VAMP7: variants seen among roughly 807,000 people sequenced by gnomAD.
VAMP7 encodes the protein vesicle associated membrane protein 7.
A neutral mutation model predicts 29.6 loss-of-function variants in VAMP7; 14 were observed. The observed-to-expected ratio is 0.47, with a 90% CI of 0.31 to 0.74. The LOEUF is 0.74. Among genes scored for constraint, VAMP7 ranks in the 30% least tolerant of loss-of-function variants. The pLI is 0.05. For missense variants in VAMP7, 223 were observed against 262.4 expected (o/e 0.85, Z 1.04); for synonymous variants, 95 against 88.1 (o/e 1.08, Z -0.44).
At chrX:155,901,303 A>G (rs190242913) in intron 5 of VAMP7, among the ~76,000 whole-genome samples, 50 of 152,168 alleles carry the variant, frequency 3.3e-4, no homozygotes, top group African/African-American at 1.2e-3. Context: ...AGTTTTAATT[A>G]TATATCTAGA....
intron 1 of VAMP7, among the ~76,000 whole-genome samples, chrX:155,882,908 G>A (rs997834942): frequency 2.0e-5 from 3 of 152,202 alleles, no homozygotes; most frequent in Non-Finnish European, 4.4e-5. Context: ...ACAGTATACT[G>A]AGGAAATTTC....
intron 2 of VAMP7, 102 bp downstream of exon 2, chrX:155,889,714 T>G: frequency 7.6e-7 from 1 of 1,317,724 alleles, no homozygotes; most frequent in Non-Finnish European, 1.0e-6. Context: ...GTACATAATT[T>G]GAATAAGCTG....
At chrX:155,934,438 C>T (rs1252771461) in intron 6 of VAMP7, among the ~76,000 whole-genome samples, 4 of 151,178 alleles carry the variant, frequency 2.6e-5, no homozygotes, top group Non-Finnish European at 4.4e-5. Context: ...TGAATTGATC[C>T]CTTTACCATT....
chrX:155,893,114 T>C (rs1317938601), intron 2 of VAMP7, among the ~76,000 whole-genome samples: 1 of 152,174 alleles, frequency 6.6e-6, no homozygotes, highest in African/African-American at 2.4e-5. Flanking sequence ...GGCTTCTTGA[T>C]GGCAGGGATC....
intron 2 of VAMP7, among the ~76,000 whole-genome samples, chrX:155,891,485 A>T (rs1411142051): frequency 1.3e-5 from 2 of 152,156 alleles, no homozygotes; most frequent in African/African-American, 2.4e-5. Flanking sequence ...AAGATAAGTC[A>T]TATGTTTTCC....
chrX:155,897,686 C>T lies in VAMP7; in HGVS notation c.205-426C>T, dbSNP rs750252378. Among the ~76,000 whole-genome samples the T allele has an allele frequency of 5.3e-4, 81 of 152,040 alleles. 1 individual carries two copies. The highest frequency in any genetic ancestry group is 1.1e-3 in the Non-Finnish European group (72 of 67,950). On this transcript the variant is annotated intron_variant, in intron 3 of 7. Transcript: ENST00000286448. Reference sequence around the variant, plus strand: ...ATATACCACCACTATTGAAAAAATTCGATTTGAAGTTAATATCAGTAGTAG... The same window carrying T: ...ATATACCACCACTATTGAAAAAATTTGATTTGAAGTTAATATCAGTAGTAG...
At chrX:155,915,275 A>G (rs188013118) in intron 5 of VAMP7, among the ~76,000 whole-genome samples, 4 of 152,140 alleles carry the variant, frequency 2.6e-5, no homozygotes, top group Admixed American at 1.3e-4. Context: ...TAGTCTCGCT[A>G]GCAGTCTATC....
At chrX:155,938,957 G>A (rs1368002931) in intron 6 of VAMP7, among the ~76,000 whole-genome samples, 1 of 152,194 alleles carries the variant, frequency 6.6e-6, no homozygotes, top group Non-Finnish European at 1.5e-5. Context: ...TGTATTCCAT[G>A]TTATGACTCT....
intron 1 of VAMP7, among the ~76,000 whole-genome samples, chrX:155,883,042 A>G (rs1345685133): frequency 3.3e-5 from 5 of 152,144 alleles, no homozygotes; most frequent in Admixed American, 2.6e-4. Context: ...ACTTTATTGC[A>G]TTTATTTATA....
chrX:155,902,147 G>A (rs2066072353), intron 5 of VAMP7, among the ~76,000 whole-genome samples: 3 of 152,066 alleles, frequency 2.0e-5, no homozygotes, highest in African/African-American at 7.2e-5. Context: ...GTGAATGGGA[G>A]TTCACTCATG....
At chrX:155,898,435 T>C (rs2066016309) in intron 4 of VAMP7, among the ~76,000 whole-genome samples, 186 bp downstream of exon 4, 1 of 151,958 alleles carries the variant, frequency 6.6e-6, no homozygotes, top group Non-Finnish European at 1.5e-5. Context: ...AAAACAGTGA[T>C]AGTCTTTATT....
intron 5 of VAMP7, among the ~76,000 whole-genome samples, chrX:155,908,420 G>A (rs2066182708): frequency 2.0e-5 from 3 of 152,164 alleles, no homozygotes; most frequent in South Asian, 2.1e-4. Flanking sequence ...CCAGTCAGGC[G>A]TGGCAGCACT....
chrX:155,900,403 G>A, intron 4 of VAMP7, 94 bp from the exon 5 acceptor site: 1 of 924,550 alleles, frequency 1.1e-6, no homozygotes, highest in Non-Finnish European at 1.6e-6. Flanking sequence ...TAATTTTATA[G>A]CATTCCTCAG....
intron 5 of VAMP7, among the ~76,000 whole-genome samples, chrX:155,904,113 C>G (rs749542633): frequency 6.7e-6 from 1 of 149,798 alleles, no homozygotes; most frequent in African/African-American, 2.5e-5. Flanking sequence ...GAACAAAAAA[C>G]CAAACACCGC....
At chrX:155,932,320 T>C (rs780677169) in intron 6 of VAMP7, among the ~76,000 whole-genome samples, 13 of 152,318 alleles carry the variant, frequency 8.5e-5, no homozygotes, top group African/African-American at 3.1e-4. Flanking sequence ...TTTCATGATA[T>C]TGATTCTTCC....
intron 2 of VAMP7, among the ~76,000 whole-genome samples, chrX:155,893,018 G>A (rs1404421223): frequency 6.6e-6 from 1 of 152,096 alleles, no homozygotes; most frequent in African/African-American, 2.4e-5. Flanking sequence ...CTCCCAAAGT[G>A]CTGGGATTAC....
At chrX:155,891,054 C>G (rs1049458440) in intron 2 of VAMP7, among the ~76,000 whole-genome samples, 3 of 152,158 alleles carry the variant, frequency 2.0e-5, no homozygotes, top group Non-Finnish European at 4.4e-5. Flanking sequence ...CTTGTTATAT[C>G]CCAGTGCTTG....
At chrX:155,936,777 C>T (rs1039082529) in intron 6 of VAMP7, among the ~76,000 whole-genome samples, 2 of 152,210 alleles carry the variant, frequency 1.3e-5, no homozygotes, top group Admixed American at 6.5e-5. Flanking sequence ...GTGCGTTGCT[C>T]ACGCTGGGGG....
chrX:155,911,210 C>T (rs1051041696), intron 5 of VAMP7, among the ~76,000 whole-genome samples: 9 of 152,088 alleles, frequency 5.9e-5, no homozygotes, highest in Non-Finnish European at 1.2e-4. Context: ...CCCCAGTGTA[C>T]GTCCTTGGCA....
Sources: gnomAD v4.1 joint callset for allele counts (sites outside exome capture counted in the v4.1 genomes callset) on GRCh38, gnomAD v4.1.1 for gene constraint, MANE v1.5 for transcripts, NCBI Gene and HGNC (gene_info 2026-07-23, HGNC 2026-07-21) for gene names.